TTN: variants seen among roughly 807,000 people sequenced by gnomAD.
The protein encoded by TTN is titin, also known as connectin.
Under a neutral mutation model 3,223.0 loss-of-function variants are expected in TTN, and 1,525 were observed. The ratio of observed to expected loss-of-function variants is 0.47; its 90% CI spans 0.45 to 0.49. The LOEUF (loss-of-function observed/expected upper bound fraction) is 0.49. TTN is among the 20% of genes least tolerant of loss of function. The pLI, the probability that TTN is intolerant of heterozygous loss-of-function variation, is 0.00. For synonymous variants in TTN, 14,094 were observed against 15,161.0 expected (o/e 0.93, Z 5.17); for missense variants, 40,786 against 43,424.0 (o/e 0.94, Z 5.40).
Position 178,766,395 on chromosome 2 carries a change from G to T in TTN, c.9689C>A (p.Thr3230Asn). ...TCCCTACATACCATTGACATAGAGAGTGACAGAACTCCTGTTCCTTCCTGC... is the reference window on the plus strand; with the variant it reads ...TCCCTACATACCATTGACATAGAGATTGACAGAACTCCTGTTCCTTCCTGC... Reference protein sequence around the residue: ...FVAGRNRSSVTLYVNAPEPPQ... With the variant: ...FVAGRNRSSVNLYVNAPEPPQ... Residue 3230 changes from threonine to asparagine, a missense_variant, in exon 41 of 363, where the codon ACT becomes AAT. Thr to Asn is a moderately conservative substitution (Grantham distance 65). Coordinates refer to ENST00000589042, the MANE Select transcript of TTN (RefSeq NM_001267550.2). 1 of 1,612,410 alleles carries T rather than the reference G, an allele frequency of 6.2e-7. No homozygotes were observed. Among genetic ancestry groups the T allele is most frequent in the Non-Finnish European group, 8.5e-7 (1 of 1,178,472 alleles).
chr2:178,749,416 A>C (rs1309540566), intron 47 of TTN: 2 of 1,613,106 alleles, frequency 1.2e-6, no homozygotes, highest in Admixed American at 3.3e-5. Context: ...TTTCTCTAGA[A>C]GGTATGCAAC....
chr2:178,773,883 T>G lies in TTN; in HGVS notation c.7285A>C (p.Ile2429Leu). The change falls in exon 31 of 363, where the codon ATT becomes CTT. Residue 2429 changes from isoleucine to leucine, a missense_variant. Transcript: ENST00000589042. ...KEDAGNYSFTIPALGLSTSGR... is the reference protein window; with the variant it reads ...KEDAGNYSFTLPALGLSTSGR... ...CTGGTGGAGAGGCCAAGGGCTGGAA[T>G]GGTGAAAGAGTAATTTCCAGCATCT... 6.2e-7 allele frequency: 1 copy of G among 1,614,086 alleles called. No homozygotes were observed. The highest frequency in any genetic ancestry group is 2.2e-5 in the East Asian group (1 of 44,864).
In TTN at chr2:178,710,928, A is replaced by C; in HGVS notation, c.28175-6T>G. 2 of 1,606,842 alleles carry C rather than the reference A, an allele frequency of 1.2e-6. No homozygotes were observed. Among genetic ancestry groups the C allele is most frequent in the South Asian group, 2.2e-5 (2 of 90,568 alleles). ...GAAGGGTGGGTTCTTCCCCTCTAAT[A>C]GTAGAGCAGAAAGACAAGGTTTCAG... On this transcript the variant is annotated splice_region_variant and splice_polypyrimidine_tract_variant and intron_variant, in intron 97 of 362. Transcript: ENST00000589042.
chr2:178,579,450 T>G (rs2047179589), intron 319 of TTN, 57 bp from the exon 320 acceptor site: 4 of 1,561,292 alleles, frequency 2.6e-6, no homozygotes, highest in Non-Finnish European at 3.4e-6. Flanking sequence ...ATTAACTTTT[T>G]CAAATAGTTC....
Position 178,654,255 on chromosome 2 carries a change from T to A in TTN, c.38333A>T (p.Lys12778Ile), listed in dbSNP as rs1227955639. 1.4e-5 allele frequency: 22 copies of A among 1,600,356 alleles called. 4 individuals carry two copies. The Middle Eastern group carries it at 5.0e-4, about 37-fold the overall frequency. Residue 12778 changes from lysine to isoleucine, a missense_variant, in exon 193 of 363, where the codon AAA becomes ATA. Physicochemically the swap from Lys to Ile is moderately radical, Grantham distance 102. Coordinates refer to ENST00000589042, the MANE Select transcript of TTN (RefSeq NM_001267550.2). Reference sequence around the variant, plus strand: ...TTTTTTGGGCACAGCCACAGATACTTTCTTTTCAAGTACAACTTCTTTAGG... The same window carrying A: ...TTTTTTGGGCACAGCCACAGATACTATCTTTTCAAGTACAACTTCTTTAGG... ...EAPKEVVLEK[K>I]VSVAVPKKPE...
Position 178,650,298 on chromosome 2 carries a change from T to G in TTN, c.39710-27A>C, listed in dbSNP as rs748325045. On this transcript the variant is annotated intron_variant, in intron 209 of 362. Coordinates refer to ENST00000589042, the MANE Select transcript of TTN (RefSeq NM_001267550.2). ...TTTAAAGATATTAGTTAATTTTATT[T>G]CAATGTATGGAACAATATTCTAAGA... 3.3e-6 allele frequency: 5 copies of G among 1,519,192 alleles called. No homozygotes were observed. The South Asian group carries it at 4.9e-5, about 15-fold the overall frequency. The allele number at this position is 1,519,192 out of a possible 1,614,324, so 94.1% of individuals were successfully genotyped here.
chr2:178,587,989 C>G lies in TTN; in HGVS notation c.63418G>C (p.Glu21140Gln), dbSNP rs765307639. The G allele has an allele frequency of 1.9e-6, 3 of 1,612,402 alleles. No individual in the cohort carries two copies. The East Asian group carries it at 6.7e-5, about 36-fold the overall frequency. The change falls in exon 305 of 363, where the codon GAA becomes CAA. Residue 21140 changes from glutamate to glutamine, a missense_variant. By Grantham distance (29) the Glu-to-Gln change is conservative (BLOSUM62 2). Transcript: ENST00000589042. ...FTVTSLDENQ[E>Q]YEFRVCAQNQ... ...TGGGCACACACCCTGAACTCATATT[C>G]CTGGTTTTCATCCAAGCTGGTAACA...
Position 178,771,368 on chromosome 2 carries a change from C to T in TTN, c.7959G>A (p.Leu2653=), listed in dbSNP as rs777352436. The change falls in exon 34 of 363, where the codon TTG becomes TTA. Residue 2653 remains leucine (L), a synonymous_variant. Coordinates refer to ENST00000589042, the MANE Select transcript of TTN (RefSeq NM_001267550.2). ...TCAGTGGTAGGTGTTTGCCATCCCT[C>T]AACCATTCGCCTTTGGAATCTGGGT... ...VANPDSKGEW[L]RDGKHLPLTN... 2 of 1,613,920 alleles carry T rather than the reference C, an allele frequency of 1.2e-6. No homozygotes were observed. The highest frequency in any genetic ancestry group is 2.2e-5 in the East Asian group (1 of 44,862).
At position 178,605,537 on chromosome 2, in the gene TTN, T is replaced by G. The variant is rs2054577412; in HGVS notation, c.53758A>C (p.Thr17920Pro). ...TCAAGATTTTCAACCAGAAAAGATG[T>G]GGTTGGGCAGAGTCGCTTGTTAACT... ...ERVNKRLCPTTSFLVENLDEH... is the reference protein window; with the variant it reads ...ERVNKRLCPTPSFLVENLDEH... Residue 17920 changes from threonine to proline, a missense_variant, in exon 279 of 363, where the codon ACA becomes CCA. By Grantham distance (38) the Thr-to-Pro change is conservative. Coordinates refer to ENST00000589042, the MANE Select transcript of TTN (RefSeq NM_001267550.2). 8.7e-6 allele frequency: 14 copies of G among 1,612,418 alleles called. No individual in the cohort carries two copies. The highest frequency in any genetic ancestry group is 1.2e-5 in the Non-Finnish European group (14 of 1,178,896).
At chr2:178,649,418 GC>G in intron 212 of TTN, 87 bp from the exon 213 acceptor site, 1 of 1,335,754 alleles carries the variant, frequency 7.5e-7, no homozygotes, top group East Asian at 2.5e-5. Flanking sequence ...TATTGGAGCA[GC>G]ATTAAAATTA....
In TTN at chr2:178,671,042, G is replaced by A. The variant is rs774681822; in HGVS notation, c.35308+48C>T. ...AACTTGTGCTTATAAAGCAACCAAG[G>A]TGCTATTGTATGTAAAGTTAAGTAG... is the stretch of plus-strand genomic sequence containing the variant. On this transcript the variant is annotated intron_variant, in intron 156 of 362. Transcript: ENST00000589042. The A allele has an allele frequency of 8.3e-5, 117 of 1,401,632 alleles. 2 individuals carry two copies. In the Middle Eastern group the frequency reaches 5.6e-3, roughly 67 times the overall value. 86.8% of individuals were successfully genotyped at this position (1,401,632 alleles called of 1,614,324 possible).
chr2:178,604,939 T>A, intron 280 of TTN, 41 bp from the exon 281 acceptor site: 2 of 1,597,828 alleles, frequency 1.3e-6, no homozygotes, highest in Non-Finnish European at 1.7e-6. Context: ...AGGCAATTCT[T>A]AAACAGACAC....
At chr2:178,771,162 G>C in intron 34 of TTN, 49 bp downstream of exon 34, 1 of 1,611,810 alleles carries the variant, frequency 6.2e-7, no homozygotes, top group Non-Finnish European at 8.5e-7. Flanking sequence ...AAACGATAAC[G>C]ATCAAGATTG....
Position 178,553,284 on chromosome 2 carries a change from T to C in TTN, c.89616A>G (p.Thr29872=), listed in dbSNP as rs777509175. The stretch of plus-strand genomic sequence containing the variant: ...CAAGATTCTTCTCATCTTTTCTCCA[T>C]GTGACAGTAGGTGGAGGTCTGCCTT... ...PFKGRPPPTV[T]WRKDEKNLGS... Residue 29872 remains threonine (T), a synonymous_variant, in exon 335 of 363, where the codon ACA becomes ACG. Coordinates refer to ENST00000589042, the MANE Select transcript of TTN (RefSeq NM_001267550.2). 19 of 1,610,210 alleles carry C rather than the reference T, an allele frequency of 1.2e-5. No individual in the cohort carries two copies. The highest frequency in any genetic ancestry group is 1.1e-4 in the East Asian group (5 of 44,890).
intron 336 of TTN, chr2:178,550,619 T>C (rs1046680560): frequency 1.0e-5 from 4 of 400,650 alleles, no homozygotes; most frequent in African/African-American, 6.3e-5. Flanking sequence ...AAGGGGATGA[T>C]TGTGTTGTTG....
At position 178,555,121 on chromosome 2, in the gene TTN, A is replaced by G; in HGVS notation, c.88338T>C (p.Tyr29446=). Residue 29446 remains tyrosine (Y), a synonymous_variant, in exon 331 of 363, where the codon TAT becomes TAC. Coordinates refer to ENST00000589042, the MANE Select transcript of TTN (RefSeq NM_001267550.2). ...CTGCTCTGTATTTGACAACTTCTGT[A>G]TATTCTAGAGGCAAATCAATTACAG... is the stretch of plus-strand genomic sequence containing the variant. ...GGPVIDLPLE[Y]TEVVKYRAGT... 1.2e-6 allele frequency: 2 copies of G among 1,613,400 alleles called. No homozygotes were observed. Among genetic ancestry groups the G allele is most frequent in the Middle Eastern group, 1.7e-4 (1 of 6,054 alleles).
chr2:178,592,683 C>T, intron 300 of TTN, 23 bp from the exon 301 acceptor site: 1 of 1,611,852 alleles, frequency 6.2e-7, no homozygotes, highest in Non-Finnish European at 8.5e-7. Context: ...GAACAGAACA[C>T]TCAGATTTGA....
rs879220825 is a variant in TTN, at chr2:178,723,439, T to C, written c.21661A>G (p.Thr7221Ala). 1 of 1,612,884 alleles carries C rather than the reference T, an allele frequency of 6.2e-7. No individual in the cohort carries two copies. Among genetic ancestry groups the C allele is most frequent in the African/African-American group, 1.3e-5 (1 of 74,904 alleles). ...AAACCTTTCACAAAGAGACGGGTAG[T>C]GCAAGATGCTTGGCCAGCGTTGTTA... The part of the protein sequence containing the change: ...VSNNAGQASC[T>A]TRLFVKEPAA... Residue 7221 changes from threonine (T) to alanine (A), a missense_variant, in exon 74 of 363, where the codon ACT becomes GCT. Physicochemically the swap from Thr to Ala is moderately conservative, Grantham distance 58. Transcript: ENST00000589042.
intron 90 of TTN, 63 bp downstream of exon 90, chr2:178,714,923 G>C: frequency 1.3e-6 from 2 of 1,547,484 alleles, no homozygotes; most frequent in South Asian, 1.3e-5. Context: ...GGGGTGGAGG[G>C]GGCAACAGAG....
Sources: allele counts gnomAD v4.1 joint callset, GRCh38; gene constraint gnomAD v4.1.1; transcripts MANE v1.5; gene names NCBI Gene and HGNC (gene_info 2026-07-23, HGNC 2026-07-21).